The following SESN2 variants were observed in gnomAD, a reference collection of about 807,000 sequenced individuals.
SESN2 encodes the protein sestrin 2, also known as sestrin-2.
SESN2 carries 42 observed loss-of-function variants against 56.0 expected under a neutral mutation model. The observed-to-expected ratio is 0.75, with a 90% CI of 0.59 to 0.97. SESN2 has a LOEUF of 0.97. Among genes scored for constraint, SESN2 ranks in the 50% least tolerant of loss-of-function variants. The pLI is 0.00. For synonymous variants in SESN2, 264 were observed against 267.1 expected, an observed-to-expected ratio of 0.99 and a Z score of 0.11; for missense variants, 507 against 649.4, an observed-to-expected ratio of 0.78 and a Z score of 2.38.
chr1:28,277,886 A>G (rs530606548), intron 8 of SESN2, among the ~76,000 whole-genome samples: 1 of 152,188 alleles, frequency 6.6e-6, no homozygotes, highest in South Asian at 2.1e-4. Context: ...TTAGAATGTG[A>G]GTTGGGCTGG....
intron 8 of SESN2, among the ~76,000 whole-genome samples, chr1:28,276,293 A>C (rs2149040126): frequency 6.6e-6 from 1 of 152,236 alleles, no homozygotes; most frequent in South Asian, 2.1e-4. Context: ...CAGCCTGGAC[A>C]ACATAATTAA....
rs368615289 is a variant in SESN2 at position 28,271,700 on chromosome 1, C to T, written c.183C>T (p.Leu61=). The change falls in exon 3 of 10, where the codon CTC becomes CTT. Residue 61 remains leucine, a synonymous_variant. Transcript: ENST00000253063. The part of the protein sequence containing the change: ...EEVLREGAES[L]EQHLGLEALM... Reference sequence around the variant, plus strand: ...TCCTTCGGGAGGGGGCTGAGAGCCTCGAGCAGCACCTGGGGCTGGAGGCAC... The same window carrying T: ...TCCTTCGGGAGGGGGCTGAGAGCCTTGAGCAGCACCTGGGGCTGGAGGCAC... 2.7e-5 allele frequency: 43 copies of T among 1,614,032 alleles called. No individual in the cohort carries two copies. The South Asian group carries it at 3.7e-4, about 14-fold the overall frequency.
chr1:28,261,012 C>T (rs1308423255), intron 1 of SESN2, among the ~76,000 whole-genome samples: 2 of 152,156 alleles, frequency 1.3e-5, no homozygotes, highest in Non-Finnish European at 2.9e-5. Context: ...CACTGAATAT[C>T]TTGTTCTTTG....
chr1:28,260,002 G>A lies in SESN2; in HGVS notation c.90+65G>A. On this transcript the variant is annotated intron_variant, in intron 1 of 9. Transcript: ENST00000253063. ...CCGAACCGCGTCTGAGCCTCAGGCT[G>A]TCCGGAGCTGAGTCGGTGTGTCCTG... The A allele has an allele frequency of 5.6e-6, 7 of 1,252,140 alleles. No homozygotes were observed. In the Admixed American group the frequency reaches 1.3e-4, roughly 23 times the overall value. The allele number at this position is 1,252,140 out of a possible 1,614,324, so 77.6% of individuals were successfully genotyped here. A position where few individuals can be genotyped will look rare whatever the true frequency, so the allele number is the denominator to read the frequency against.
chr1:28,266,820 C>T lies in SESN2; in HGVS notation c.91-2363C>T, dbSNP rs530181673. Reference sequence around the variant, plus strand: ...CGATCCTCTTGCCTCAGTGTCCCAACGTGCTGGGATGAGCTGCTGCGCCAG... The same window carrying T: ...CGATCCTCTTGCCTCAGTGTCCCAATGTGCTGGGATGAGCTGCTGCGCCAG... On this transcript the variant is annotated intron_variant, in intron 1 of 9. Coordinates refer to ENST00000253063, the MANE Select transcript of SESN2 (RefSeq NM_031459.5). Among the ~76,000 whole-genome samples, 19 of 152,222 alleles carry T rather than the reference C, an allele frequency of 1.2e-4. 1 individual carries two copies. The South Asian group carries it at 3.3e-3, about 27-fold the overall frequency.
At chr1:28,264,064 A>T (rs77670689) in intron 1 of SESN2, among the ~76,000 whole-genome samples, 9 of 134,452 alleles carry the variant, frequency 6.7e-5, no homozygotes, top group Non-Finnish European at 9.7e-5. Flanking sequence ...ATCTCTATTT[A>T]AAAAAAAAAA....
chr1:28,275,296 TACACACAC>T (rs71586836), intron 8 of SESN2, among the ~76,000 whole-genome samples: 17,725 of 149,622 alleles, frequency 0.12, 1,365 homozygotes, highest in Non-Finnish European at 0.18. Flanking sequence ...TATACATGCA[TACACACAC>T]ACACACACAC....
At chr1:28,272,001 TAG>T (rs1367732267) in intron 3 of SESN2, 130 bp downstream of exon 3, 1 of 967,754 alleles carries the variant, frequency 1.0e-6, no homozygotes, top group East Asian at 2.6e-5. Context: ...TATCTAACTG[TAG>T]AGTTTTGGGT....
intron 6 of SESN2, 68 bp downstream of exon 6, chr1:28,273,576 C>T (rs1647876619): frequency 7.3e-7 from 1 of 1,364,506 alleles, no homozygotes; most frequent in African/African-American, 1.5e-5. Flanking sequence ...TGAGGAGGAG[C>T]CACCTCCTGC....
chr1:28,259,875 G>C lies in SESN2; in HGVS notation c.28G>C (p.Ala10Pro). Residue 10 changes from alanine to proline, a missense_variant, in exon 1 of 10, where the codon GCA (alanine) becomes CCA (proline). Coordinates refer to ENST00000253063, the MANE Select transcript of SESN2 (RefSeq NM_031459.5). ...GATCGTGGCGGACTCCGAGTGCCGC[G>C]CAGAGCTCAAGGACTACCTGCGGTT... is the stretch of plus-strand genomic sequence containing the variant. MIVADSECR[A>P]ELKDYLRFAP... 7.0e-7 allele frequency: 1 copy of C among 1,419,100 alleles called. No homozygotes were observed. The allele number at this position is 1,419,100 out of a possible 1,614,324, so 87.9% of individuals were successfully genotyped here.
intron 1 of SESN2, 46 bp downstream of exon 1, chr1:28,259,983 C>T (rs1045487424): frequency 2.2e-6 from 3 of 1,388,540 alleles, no homozygotes; most frequent in South Asian, 1.3e-5. Flanking sequence ...AACCCCGAAC[C>T]GCGTCTGAGC....
At chr1:28,276,251 G>A (rs1399581771) in intron 8 of SESN2, among the ~76,000 whole-genome samples, 3 of 152,152 alleles carry the variant, frequency 2.0e-5, no homozygotes, top group Non-Finnish European at 1.5e-5. Context: ...GGCTGAAGCA[G>A]GAGGATTACA....
In SESN2 at chr1:28,273,485, A is replaced by C; in HGVS notation, c.878A>C (p.Glu293Ala). 5.6e-6 allele frequency: 9 copies of C among 1,609,538 alleles called. No individual in the cohort carries two copies. The highest frequency in any genetic ancestry group is 7.6e-6 in the Non-Finnish European group (9 of 1,178,454). Residue 293 changes from glutamate (E) to alanine (A), a missense_variant, in exon 6 of 10, where the codon GAG becomes GCG. Glu to Ala is a moderately radical substitution (Grantham distance 107, BLOSUM62 -1). Coordinates refer to ENST00000253063, the MANE Select transcript of SESN2 (RefSeq NM_031459.5). ...MESRFELEKS[E>A]SLLVTPSADI... is the part of the protein sequence containing the mutation. ...AGCCGCTTTGAGCTGGAGAAGTCAG[A>C]GAGCCTGCTGGTGACCCCCTCAGGT... is the stretch of plus-strand genomic sequence containing the variant.
At position 28,282,251 on chromosome 1, in the gene SESN2, C is replaced by T. The variant is rs754871867; in HGVS notation, c.*1449C>T. On this transcript the variant is annotated 3_prime_UTR_variant, in exon 10 of 10. Transcript: ENST00000253063. Reference sequence around the variant, plus strand: ...CTGGCCAGTGTGCCACATTAAATACCCGTGCAGGCGCGGAGAAGCAACCGG... The same window carrying T: ...CTGGCCAGTGTGCCACATTAAATACTCGTGCAGGCGCGGAGAAGCAACCGG... 1.3e-5 allele frequency: 2 copies of T among 152,492 alleles called. No homozygotes were observed. Among genetic ancestry groups the T allele is most frequent in the Non-Finnish European group, 2.9e-5 (2 of 68,328 alleles). 9.4% of individuals were successfully genotyped at this position (152,492 alleles called of 1,614,324 possible). A position where few individuals can be genotyped will look rare whatever the true frequency, so the allele number is the denominator to read the frequency against.
At chr1:28,262,405 G>A (rs1315654104) in intron 1 of SESN2, among the ~76,000 whole-genome samples, 2 of 152,136 alleles carry the variant, frequency 1.3e-5, no homozygotes, top group Admixed American at 6.5e-5. Context: ...CACTTTGGGA[G>A]GCCGAGGCAG....
intron 7 of SESN2, 58 bp downstream of exon 7, chr1:28,274,216 TG>T: frequency 1.8e-6 from 2 of 1,131,300 alleles, no homozygotes; most frequent in South Asian, 1.2e-5. Flanking sequence ...AAGCAGTGGG[TG>T]GATAGTTTGA....
chr1:28,260,608 G>A (rs1217084132), intron 1 of SESN2, among the ~76,000 whole-genome samples: 5 of 152,216 alleles, frequency 3.3e-5, no homozygotes, highest in Non-Finnish European at 7.3e-5. Context: ...GAAGCCAAGC[G>A]CGGGTTAGGC....
intron 6 of SESN2, 34 bp downstream of exon 6, chr1:28,273,542 T>G (rs1425781365): frequency 6.6e-7 from 1 of 1,524,272 alleles, no homozygotes; most frequent in East Asian, 2.3e-5. Context: ...CTCCCGTGGC[T>G]GCTCCTTCTT....
Position 28,273,354 on chromosome 1 carries a change from G to A in SESN2, c.751-4G>A. 1 of 1,583,250 alleles carries A rather than the reference G, an allele frequency of 6.3e-7. No individual in the cohort carries two copies. The highest frequency in any genetic ancestry group is 8.6e-7 in the Non-Finnish European group (1 of 1,164,268). On this transcript the variant is annotated splice_region_variant and splice_polypyrimidine_tract_variant and intron_variant, in intron 5 of 9. Transcript: ENST00000253063. The stretch of plus-strand genomic sequence containing the variant: ...AGCTGGTCACCACGGGGCCTCTCCT[G>A]CAGGGCTTTGAGTCTGCCCGCGACG...
Sources: gnomAD v4.1 joint callset for allele counts (sites outside exome capture counted in the v4.1 genomes callset) on GRCh38, gnomAD v4.1.1 for gene constraint, MANE v1.5 for transcripts, NCBI Gene and HGNC (gene_info 2026-07-23, HGNC 2026-07-21) for gene names.